The following DLGAP2 variants were observed in gnomAD, a reference collection of about 807,000 sequenced individuals.
DLGAP2 encodes DLG associated protein 2.
Under a neutral mutation model 100.3 loss-of-function variants are expected in DLGAP2, and 26 were observed. The ratio of observed to expected loss-of-function variants is 0.26; its 90% CI spans 0.19 to 0.36. DLGAP2 has a LOEUF of 0.36. DLGAP2 is among the 10% of genes least tolerant of loss of function. DLGAP2 has a pLI of 1.00. For missense variants in DLGAP2, 1,858 were observed against 1,453.2 expected (o/e 1.28, Z -4.53); for synonymous variants, 886 against 630.1 (o/e 1.41, Z -6.08).
In DLGAP2 at chr8:1,009,287, C is replaced by T. The variant is rs113745794; in HGVS notation, c.73+101321C>T. Among the ~76,000 whole-genome samples, 898 of 152,328 alleles carry T rather than the reference C, an allele frequency of 5.9e-3. 7 individuals are homozygous for T. The highest frequency in any genetic ancestry group is 0.02 in the African/African-American group (848 of 41,562). ...GTTCGTCAAGTCCCAGCAGAACAGA[C>T]ATTAGAATGTTCCCAGTTTCCATTT... On this transcript the variant is annotated intron_variant, in intron 2 of 14. Coordinates refer to ENST00000637795, the MANE Select transcript of DLGAP2 (RefSeq NM_001346810.2).
In DLGAP2 at chr8:1,090,774, T is replaced by G. The variant is rs374752470; in HGVS notation, c.74-168077T>G. ...GCATAGGTTGTTGTTGTTGTTGTTA[T>G]TATTATTTAGTACAAAAGCTGAATG... On this transcript the variant is annotated intron_variant, in intron 2 of 14. Coordinates refer to ENST00000637795, the MANE Select transcript of DLGAP2 (RefSeq NM_001346810.2). Among the ~76,000 whole-genome samples, 14 of 152,248 alleles carry G rather than the reference T, an allele frequency of 9.2e-5. No homozygotes were observed. The East Asian group carries it at 2.5e-3, about 27-fold the overall frequency.
intron 2 of DLGAP2, among the ~76,000 whole-genome samples, chr8:1,021,137 G>C (rs891425999): frequency 1.3e-5 from 2 of 152,120 alleles, no homozygotes; most frequent in African/African-American, 2.4e-5. Context: ...ATATCAATTT[G>C]AGTATATTCT....
chr8:1,298,156 G>A (rs73537600), intron 3 of DLGAP2, among the ~76,000 whole-genome samples: 4 of 152,044 alleles, frequency 2.6e-5, no homozygotes, highest in African/African-American at 4.8e-5. Context: ...GAGGAGAAAC[G>A]TGGCATGCAT....
chr8:1,046,891 CT>C (rs1283354440), intron 2 of DLGAP2, among the ~76,000 whole-genome samples: 4 of 151,874 alleles, frequency 2.6e-5, no homozygotes, highest in African/African-American at 9.7e-5. Flanking sequence ...ATTGTCAGTG[CT>C]TGGTAAATGC....
chr8:1,292,371 A>G (rs1800077159), intron 3 of DLGAP2, among the ~76,000 whole-genome samples: 1 of 152,174 alleles, frequency 6.6e-6, no homozygotes. Context: ...GCCACCTGGA[A>G]ACAGCTCATC....
At chr8:1,350,975 T>C (rs1236053487) in intron 3 of DLGAP2, among the ~76,000 whole-genome samples, 338 of 126,536 alleles carry the variant, frequency 2.7e-3, no homozygotes, top group East Asian at 6.6e-3. Flanking sequence ...GTGCGGGTCC[T>C]GAGTGTGCGT....
intron 2 of DLGAP2, among the ~76,000 whole-genome samples, chr8:1,168,957 A>C (rs1006434232): frequency 4.7e-4 from 68 of 143,738 alleles, no homozygotes; most frequent in Non-Finnish European, 7.7e-4. Context: ...GTCCTTGCCC[A>C]TGCCTATGTC....
At chr8:1,255,606 C>T (rs1389669537) in intron 2 of DLGAP2, among the ~76,000 whole-genome samples, 3 of 124,718 alleles carry the variant, frequency 2.4e-5, no homozygotes, top group African/African-American at 1.0e-4. Flanking sequence ...TATGTGTGTC[C>T]TCTCTTGCCT....
At chr8:1,064,318 G>A (rs1378760123) in intron 2 of DLGAP2, among the ~76,000 whole-genome samples, 1 of 152,156 alleles carries the variant, frequency 6.6e-6, no homozygotes, top group Non-Finnish European at 1.5e-5. Context: ...TGTTCAGATT[G>A]GAAAAATATA....
intron 2 of DLGAP2, among the ~76,000 whole-genome samples, chr8:1,062,267 C>T (rs745567117): frequency 6.6e-6 from 1 of 152,186 alleles, no homozygotes; most frequent in East Asian, 1.9e-4. Context: ...CATCGCAGTC[C>T]TGTGCCTGCC....
rs142864541 is a variant in DLGAP2, at chr8:742,484, G to A, written c.18+4659G>A. ...AAACATCCTTTTGTGTGTAACGAAT[G>A]TTTGTCCTGTGACTTTTGCACAGCA... On this transcript the variant is annotated intron_variant, in intron 1 of 14. Transcript: ENST00000637795. Among the ~76,000 whole-genome samples the A allele has an allele frequency of 3.3e-3, 500 of 152,296 alleles. 1 individual carries two copies. Among genetic ancestry groups the A allele is most frequent in the African/African-American group, 0.011 (476 of 41,558 alleles).
intron 1 of DLGAP2, among the ~76,000 whole-genome samples, chr8:783,986 A>C (rs1043535135): frequency 6.6e-6 from 1 of 152,230 alleles, no homozygotes; most frequent in African/African-American, 2.4e-5. Flanking sequence ...AAGGAGTTCC[A>C]AGGCTTGAGG....
chr8:1,343,671 C>T (rs933468142), intron 3 of DLGAP2, among the ~76,000 whole-genome samples: 6 of 151,498 alleles, frequency 4.0e-5, no homozygotes, highest in African/African-American at 9.7e-5. Context: ...GAAATGGTTC[C>T]GCAGTCAGCT....
At chr8:903,575 C>A (rs1030682636) in intron 1 of DLGAP2, among the ~76,000 whole-genome samples, 1 of 152,138 alleles carries the variant, frequency 6.6e-6, no homozygotes. Flanking sequence ...CTTGTTTCTA[C>A]TGCTGGACCC....
At chr8:1,451,682 C>T (rs142425764) in intron 3 of DLGAP2, among the ~76,000 whole-genome samples, 1 of 152,286 alleles carries the variant, frequency 6.6e-6, no homozygotes, top group African/African-American at 2.4e-5. Flanking sequence ...CCAGCAGCCC[C>T]TTCTCAGCCA....
rs192132535 is a variant in DLGAP2, at chr8:1,187,779, C to G, written c.74-71072C>G. ...CTCACGGAATCTCACACGCCCGGGA[C>G]CTCTGTGACGTTTGCCTCATGGAAT... On this transcript the variant is annotated intron_variant, in intron 2 of 14. Transcript: ENST00000637795. Among the ~76,000 whole-genome samples, 596 of 125,034 alleles carry G rather than the reference C, an allele frequency of 4.8e-3. 16 individuals carry two copies. The highest frequency in any genetic ancestry group is 0.024 in the African/African-American group (488 of 20,258). The allele number at this position is 125,034 out of a possible 152,430, so 82.0% of individuals were successfully genotyped here.
At chr8:1,390,833 A>G (rs1038661135) in intron 3 of DLGAP2, among the ~76,000 whole-genome samples, 11 of 152,214 alleles carry the variant, frequency 7.2e-5, no homozygotes, top group African/African-American at 2.7e-4. Context: ...GCGAATGCAA[A>G]CACACTGTGC....
intron 2 of DLGAP2, among the ~76,000 whole-genome samples, chr8:1,173,616 G>T (rs112856952): frequency 2.6e-5 from 4 of 152,188 alleles, no homozygotes; most frequent in African/African-American, 7.2e-5. Context: ...CCTCCCTGCC[G>T]CCTAGTTTGA....
chr8:1,501,995 C>G (rs929946345), intron 4 of DLGAP2, among the ~76,000 whole-genome samples: 1 of 152,212 alleles, frequency 6.6e-6, no homozygotes, highest in African/African-American at 2.4e-5. Flanking sequence ...TGCCATCAGT[C>G]TTTTGACATG....
Sources: gnomAD v4.1 joint callset for allele counts (sites outside exome capture counted in the v4.1 genomes callset) on GRCh38, gnomAD v4.1.1 for gene constraint, MANE v1.5 for transcripts, NCBI Gene and HGNC (gene_info 2026-07-23, HGNC 2026-07-21) for gene names.